Variants in TACC1 observed in about 807,000 individuals in gnomAD.
TACC1 encodes the protein transforming acidic coiled-coil-containing protein 1.
Under a neutral mutation model 84.4 loss-of-function variants are expected in TACC1, and 48 were observed. The ratio of observed to expected loss-of-function variants is 0.57; its 90% CI spans 0.45 to 0.72. The LOEUF is 0.72. Among genes scored for constraint, TACC1 ranks in the 30% least tolerant of loss-of-function variants. The probability of loss-of-function intolerance (pLI) is 0.00; values close to 1 mark genes in which losing one functional copy is unlikely to be tolerated. For missense variants in TACC1, 920 were observed against 973.0 expected, an observed-to-expected ratio of 0.95 and a Z score of 0.72; for synonymous variants, 372 against 376.3, an observed-to-expected ratio of 0.99 and a Z score of 0.13.
intron 8 of TACC1, 65 bp from the exon 9 acceptor site, chr8:38,840,159 C>T: frequency 8.0e-7 from 1 of 1,249,948 alleles, no homozygotes; most frequent in Non-Finnish European, 1.2e-6. Flanking sequence ...TTTGGGACAG[C>T]ATTTCTCCAA....
chr8:38,774,348 C>G (rs1194264555), intron 3 of TACC1, among the ~76,000 whole-genome samples: 1 of 152,178 alleles, frequency 6.6e-6, no homozygotes, highest in South Asian at 2.1e-4. Context: ...AGGGCAGGAA[C>G]TGGGTCTCTT....
Position 38,820,521 on chromosome 8 carries a change from TG to T in TACC1, c.1279del (p.Asp427IlefsTer9). On this transcript the variant is annotated frameshift_variant, in exon 3 of 13. Coordinates refer to ENST00000317827, the MANE Select transcript of TACC1 (RefSeq NM_006283.3). LOFTEE classifies it high-confidence loss of function. ...GACCCAGATAACTTTGACGAATCCA[TG>T]GATCCCTTTAAACCAACTACGACCT... ...HFDPDNFDESMDPFKPTTTLT... is the reference protein window; with the variant it reads ...HFDPDNFDESXDPFKPTTTLT... The T allele has an allele frequency of 6.2e-7, 1 of 1,614,242 alleles. No individual in the cohort carries two copies. Among genetic ancestry groups the T allele is most frequent in the Non-Finnish European group, 8.5e-7 (1 of 1,180,044 alleles).
At chr8:38,808,575 G>C (rs188612499) in intron 2 of TACC1, among the ~76,000 whole-genome samples, 1 of 152,308 alleles carries the variant, frequency 6.6e-6, no homozygotes, top group East Asian at 1.9e-4. Flanking sequence ...ACCACACTTG[G>C]CTAATTTACT....
intron 3 of TACC1, among the ~76,000 whole-genome samples, chr8:38,822,346 A>G (rs1394731831): frequency 6.6e-6 from 1 of 152,098 alleles, no homozygotes; most frequent in Non-Finnish European, 1.5e-5. Flanking sequence ...CAGTAAAAAT[A>G]TAGTATAAAA....
chr8:38,778,093 T>C (rs1432727055), intron 3 of TACC1, among the ~76,000 whole-genome samples: 2 of 152,040 alleles, frequency 1.3e-5, no homozygotes, highest in Non-Finnish European at 2.9e-5. Context: ...AGCATTATAG[T>C]TTTTCTTTTT....
At chr8:38,764,435 A>C (rs2151836764) in intron 3 of TACC1, among the ~76,000 whole-genome samples, 1 of 152,164 alleles carries the variant, frequency 6.6e-6, no homozygotes, top group Non-Finnish European at 1.5e-5. Flanking sequence ...GTAAAAAAAA[A>C]AAAAAAAAAA....
At position 38,850,398 on chromosome 8, in the gene TACC1, A is replaced by G. The variant is rs1453524113; in HGVS notation, c.*2375A>G. 6.6e-6 allele frequency: 1 copy of G among 152,210 alleles called. No homozygotes were observed. 9.4% of individuals were successfully genotyped at this position (152,210 alleles called of 1,614,324 possible). A position where few individuals can be genotyped will look rare whatever the true frequency, so the allele number is the denominator to read the frequency against. ...GTTTATTTTTCTTTAAAAATAAAGG[A>G]TTTTGGAACTCTGGAGAGTAAGAAT... On this transcript the variant is annotated 3_prime_UTR_variant, in exon 13 of 13. Coordinates refer to ENST00000317827, the MANE Select transcript of TACC1 (RefSeq NM_006283.3).
At chr8:38,785,289 C>T (rs1477481547), upstream of TACC1, among the ~76,000 whole-genome samples, 1 of 152,202 alleles carries the variant, frequency 6.6e-6, no homozygotes, top group East Asian at 1.9e-4. Context: ...ACTTAGTGAA[C>T]ACACAGATTT....
Position 38,787,263 on chromosome 8 carries a change from C to T in TACC1, c.-320C>T, listed in dbSNP as rs1007103889. On this transcript the variant is annotated 5_prime_UTR_variant, in exon 1 of 13. Coordinates refer to ENST00000317827, the MANE Select transcript of TACC1 (RefSeq NM_006283.3). The stretch of plus-strand genomic sequence containing the variant: ...GTCCGCGAGCCGGGAGCGGGAGCAG[C>T]AGAGGTCTAGCAGCCGGGCGCCGCG... The T allele has an allele frequency of 2.9e-5, 30 of 1,051,198 alleles. No homozygotes were observed. The African/African-American group carries it at 4.5e-4, about 16-fold the overall frequency. 65.1% of individuals were successfully genotyped at this position (1,051,198 alleles called of 1,614,324 possible).
intron 1 of TACC1, among the ~76,000 whole-genome samples, chr8:38,728,989 T>G (rs937536379): frequency 1.3e-5 from 2 of 152,072 alleles, no homozygotes; most frequent in African/African-American, 4.8e-5. Context: ...TCTTTCCTTT[T>G]CTTTTCTTTT....
At chr8:38,820,783 C>A in intron 3 of TACC1, 148 bp downstream of exon 3, 1 of 1,118,748 alleles carries the variant, frequency 8.9e-7, no homozygotes, top group Non-Finnish European at 1.2e-6. Flanking sequence ...GCAGTCTTCA[C>A]TGTTTGGCTT....
intron 2 of TACC1, among the ~76,000 whole-genome samples, chr8:38,800,050 G>T (rs532447226): frequency 2.6e-5 from 4 of 152,160 alleles, no homozygotes; most frequent in Non-Finnish European, 5.9e-5. Context: ...AGTCCCAGCT[G>T]CTCAGAAGGC....
At chr8:38,819,072 C>A (rs1271345075) in intron 2 of TACC1, among the ~76,000 whole-genome samples, 1 of 152,200 alleles carries the variant, frequency 6.6e-6, no homozygotes, top group Non-Finnish European at 1.5e-5. Context: ...AGATTCAGAT[C>A]TGTTCACTGC....
In TACC1 at chr8:38,831,112, C is replaced by T. The variant is rs969052789; in HGVS notation, c.1661-13C>T. ...CTTCTTGGGATAACTATAAAAATGA[C>T]TTTCTGTCTTAGGCATAGAGAAGGA... is the stretch of plus-strand genomic sequence containing the variant. On this transcript the variant is annotated splice_polypyrimidine_tract_variant and intron_variant, in intron 5 of 12. Coordinates refer to ENST00000317827, the MANE Select transcript of TACC1 (RefSeq NM_006283.3). The T allele has an allele frequency of 5.0e-6, 8 of 1,613,896 alleles. No individual in the cohort carries two copies. The highest frequency in any genetic ancestry group is 5.1e-6 in the Non-Finnish European group (6 of 1,179,904).
chr8:38,787,172 G>T, upstream of TACC1: 6 of 985,248 alleles, frequency 6.1e-6, no homozygotes, highest in Non-Finnish European at 7.2e-6. Flanking sequence ...TACGGTCCGA[G>T]GGGGCGGCTT....
intron 3 of TACC1, among the ~76,000 whole-genome samples, chr8:38,747,084 C>G (rs1808224120): frequency 6.6e-6 from 1 of 152,002 alleles, no homozygotes. Context: ...TACACAGATG[C>G]CAAAAAATTT....
In TACC1 at chr8:38,850,912, C is replaced by T. The variant is rs1588198720; in HGVS notation, c.*2889C>T. The T allele has an allele frequency of 6.6e-6, 1 of 152,406 alleles. No homozygotes were observed. Among genetic ancestry groups the T allele is most frequent in the East Asian group, 1.9e-4 (1 of 5,174 alleles). 9.4% of individuals were successfully genotyped at this position (152,406 alleles called of 1,614,324 possible). A position where few individuals can be genotyped will look rare whatever the true frequency, so the allele number is the denominator to read the frequency against. ...CCAGAGCAATTTCTTTAGCTTTTGA[C>T]TTTGCCAAAGTGTAGATAGCCTTTA... On this transcript the variant is annotated 3_prime_UTR_variant, in exon 13 of 13. Coordinates refer to ENST00000317827, the MANE Select transcript of TACC1 (RefSeq NM_006283.3).
At chr8:38,831,809 C>T (rs1021953612) in intron 6 of TACC1, among the ~76,000 whole-genome samples, 9 of 142,508 alleles carry the variant, frequency 6.3e-5, no homozygotes, top group African/African-American at 2.1e-4. Context: ...TTACTCAGTT[C>T]TTTTTTTTTT....
intron 3 of TACC1, among the ~76,000 whole-genome samples, chr8:38,775,010 CAAAAAAA>C (rs913147283): frequency 3.6e-5 from 3 of 83,758 alleles, no homozygotes; most frequent in Admixed American, 1.3e-4. Context: ...GACTCCGTCT[CAAAAAAA>C]AAAAAAAAAA....
Sources: gnomAD v4.1 joint callset for allele counts (sites outside exome capture counted in the v4.1 genomes callset) on GRCh38, gnomAD v4.1.1 for gene constraint, MANE v1.5 for transcripts, NCBI Gene and HGNC (gene_info 2026-07-23, HGNC 2026-07-21) for gene names.